Variants in KDM5C observed in about 807,000 individuals in gnomAD.
KDM5C encodes lysine demethylase 5C, also known as lysine-specific demethylase 5C.
Under a neutral mutation model 110.6 loss-of-function variants are expected in KDM5C, and 16 were observed. The observed-to-expected ratio is 0.14, with a 90% CI of 0.10 to 0.22. KDM5C has a LOEUF of 0.22. Among genes scored for constraint, KDM5C ranks in the 10% least tolerant of loss-of-function variants. The pLI is 1.00. For synonymous variants in KDM5C, 511 were observed against 520.4 expected, an observed-to-expected ratio of 0.98 and a Z score of 0.24; for missense variants, 681 against 1,300.9, an observed-to-expected ratio of 0.52 and a Z score of 7.33.
At chrX:53,201,825 C>G in intron 13 of KDM5C, 29 bp downstream of exon 13, 1 of 1,211,640 alleles carries the variant, frequency 8.3e-7, no homozygotes, top group Non-Finnish European at 1.1e-6. Context: ...CCTGCTTCTC[C>G]CCACCATCCC....
rs1556831154 is a variant in KDM5C at position 53,192,195 on chromosome X, A to C, written c.*772T>G. On this transcript the variant is annotated 3_prime_UTR_variant, in exon 26 of 26. Coordinates refer to ENST00000375401, the MANE Select transcript of KDM5C (RefSeq NM_004187.5). ...GTTTCTAAGGGTTTTATTTCTAACA[A>C]GAGGAAAATAATAAAATAAAATTAA... 1 of 174,479 alleles carries C rather than the reference A, an allele frequency of 5.7e-6. No homozygotes were observed. Among genetic ancestry groups the C allele is most frequent in the African/African-American group, 2.9e-5 (1 of 34,016 alleles). 14.4% of individuals were successfully genotyped at this position (174,479 alleles called of 1,213,427 possible). A position where few individuals can be genotyped will look rare whatever the true frequency, so the allele number is the denominator to read the frequency against.
Position 53,196,192 on chromosome X carries a change from T to TTCCAC in KDM5C, c.2982-143_2982-139dup, listed in dbSNP as rs1458183732. 4 of 709,826 alleles carry TTCCAC rather than the reference T, an allele frequency of 5.6e-6. 1 individual carries two copies. Among genetic ancestry groups the TTCCAC allele is most frequent in the Non-Finnish European group, 8.5e-6 (4 of 470,787 alleles). The allele number at this position is 709,826 out of a possible 1,213,427, so 58.5% of individuals were successfully genotyped here. A position where few individuals can be genotyped will look rare whatever the true frequency, so the allele number is the denominator to read the frequency against. ...TGTCACTTGGGCCTACTTGCTTGTA[T>TTCCAC]TCCACCTAAGGGTAGCTGCCAGTCC... On this transcript the variant is annotated intron_variant, in intron 19 of 25. Transcript: ENST00000375401.
chrX:53,221,569 C>T (rs1481623809), intron 1 of KDM5C: 9 of 351,679 alleles, frequency 2.6e-5, no homozygotes, highest in Non-Finnish European at 4.8e-5. Flanking sequence ...AGCTCAGGTC[C>T]GATTGTGGCA....
chrX:53,210,867 C>G lies in KDM5C; in HGVS notation c.1402-10G>C, dbSNP rs1556848460. 1.7e-6 allele frequency: 2 copies of G among 1,203,448 alleles called. No homozygotes were observed. The highest frequency in any genetic ancestry group is 2.3e-6 in the Non-Finnish European group (2 of 888,037). On this transcript the variant is annotated splice_polypyrimidine_tract_variant and intron_variant, in intron 10 of 25. Transcript: ENST00000375401. ...CACTGGTAGCATACTCCTGCCAGGT[C>G]AGGTATTTGTAAAAAGGGCATGAGG...
intron 1 of KDM5C, chrX:53,221,846 T>C (rs1443886909): frequency 1.5e-5 from 9 of 620,502 alleles, no homozygotes; most frequent in Admixed American, 6.5e-5. Context: ...GGAAAGATCA[T>C]GAAAGTGGGA....
rs1392496114 is a variant in KDM5C, at chrX:53,196,801, C to T, written c.2866G>A (p.Ala956Thr). Residue 956 changes from alanine (A) to threonine (T), a missense_variant, in exon 19 of 26, where the codon GCG (alanine) becomes ACG (threonine). Physicochemically the swap from Ala to Thr is moderately conservative, Grantham distance 58. Coordinates refer to ENST00000375401, the MANE Select transcript of KDM5C (RefSeq NM_004187.5). ...TLAVMRGLLV[A>T]GASVAPSPAV... ...GGGCTAGGGGCTACACTGGCACCCG[C>T]GACCAACAGTCCTCGCATGACAGCC... 6 of 1,212,032 alleles carry T rather than the reference C, an allele frequency of 5.0e-6. No individual in the cohort carries two copies. In the Admixed American group the frequency reaches 6.5e-5, roughly 13 times the overall value.
At position 53,224,918 on chromosome X, in the gene KDM5C, G is replaced by A. The variant is rs1556856243; in HGVS notation, c.-29C>T. On this transcript the variant is annotated 5_prime_UTR_variant, in exon 1 of 26. Transcript: ENST00000375401. The stretch of plus-strand genomic sequence containing the variant: ...GGGCCCGAGGTCTGGGCCAGGGATC[G>A]GGAGGCTTGGACCGCCCTTAAGGAC... The A allele has an allele frequency of 3.4e-6, 4 of 1,190,143 alleles. No individual in the cohort carries two copies. Among genetic ancestry groups the A allele is most frequent in the Non-Finnish European group, 4.5e-6 (4 of 882,966 alleles).
intron 19 of KDM5C, 41 bp downstream of exon 19, chrX:53,196,645 T>C: frequency 8.9e-7 from 1 of 1,128,652 alleles, no homozygotes; most frequent in Non-Finnish European, 1.2e-6. Flanking sequence ...AACTTTGATG[T>C]TTGGAATAGG....
intron 12 of KDM5C, among the ~76,000 whole-genome samples, chrX:53,208,805 CTTTTTTTTTTTTTT>C (rs782216325): frequency 2.7e-4 from 6 of 22,163 alleles, no homozygotes; most frequent in Admixed American, 9.4e-4. Flanking sequence ...ACACCCGGCT[CTTTTTTTTTTTTTT>C]TTTTTTTTTT....
At chrX:53,224,307 A>T (rs1359853408) in intron 1 of KDM5C, among the ~76,000 whole-genome samples, 1 of 112,161 alleles carries the variant, frequency 8.9e-6, no homozygotes, top group Non-Finnish European at 1.9e-5. Context: ...TTTTGAACTC[A>T]AGTCTGTCTC....
At chrX:53,204,000 C>G (rs1305477616) in intron 12 of KDM5C, among the ~76,000 whole-genome samples, 2 of 111,400 alleles carry the variant, frequency 1.8e-5, no homozygotes, top group Non-Finnish European at 3.8e-5. Flanking sequence ...GGTGATCCAC[C>G]CACCTTGGCT....
rs781950484 is a variant in KDM5C at position 53,192,256 on chromosome X, C to CT, written c.*710dup. On this transcript the variant is annotated 3_prime_UTR_variant, in exon 26 of 26. Transcript: ENST00000375401. ...AGTTGGAACCAAGTTTCTTGTTTTG[C>CT]TTTTTTTTTTCTTTTGAACAAATTA... The CT allele has an allele frequency of 0.051, 8,189 of 159,144 alleles. 175 individuals carry two copies. Among genetic ancestry groups the CT allele is most frequent in the African/African-American group, 0.084 (2,704 of 32,249 alleles). 13.1% of individuals were successfully genotyped at this position (159,144 alleles called of 1,213,427 possible).
chrX:53,222,998 A>G (rs1338170421), intron 1 of KDM5C, among the ~76,000 whole-genome samples: 1 of 111,828 alleles, frequency 8.9e-6, no homozygotes, highest in Non-Finnish European at 1.9e-5. Flanking sequence ...GAAGGAAAAA[A>G]CAAAACCAAA....
In KDM5C at chrX:53,210,864, G is replaced by A. The variant is rs1556848455; in HGVS notation, c.1402-7C>T. 1 of 1,205,901 alleles carries A rather than the reference G, an allele frequency of 8.3e-7. No homozygotes were observed. Among genetic ancestry groups the A allele is most frequent in the Non-Finnish European group, 1.1e-6 (1 of 890,187 alleles). The stretch of plus-strand genomic sequence containing the variant: ...AACCACTGGTAGCATACTCCTGCCA[G>A]GTCAGGTATTTGTAAAAAGGGCATG... On this transcript the variant is annotated splice_polypyrimidine_tract_variant and splice_region_variant and intron_variant, in intron 10 of 25. Transcript: ENST00000375401.
At chrX:53,189,767 G>A (rs781923266), downstream of KDM5C, among the ~76,000 whole-genome samples, 2 of 112,902 alleles carry the variant, frequency 1.8e-5, no homozygotes, top group African/African-American at 6.4e-5. Context: ...TGGAAGTGGA[G>A]ACAGACTGAG....
rs1338020708 is a variant in KDM5C, at chrX:53,218,463, G to A, written c.229-65C>T. On this transcript the variant is annotated intron_variant, in intron 2 of 25. Coordinates refer to ENST00000375401, the MANE Select transcript of KDM5C (RefSeq NM_004187.5). ...CCACTGACCACTATCTTTGGGTCCA[G>A]TCTTAGGGGAGAACAGAGGAATACA... The A allele has an allele frequency of 4.4e-6, 5 of 1,141,643 alleles. No individual in the cohort carries two copies. The African/African-American group carries it at 8.9e-5, about 20-fold the overall frequency. 94.1% of individuals were successfully genotyped at this position (1,141,643 alleles called of 1,213,427 possible).
intron 12 of KDM5C, among the ~76,000 whole-genome samples, chrX:53,208,583 G>A (rs1235337694): frequency 1.1e-5 from 1 of 89,114 alleles, no homozygotes; most frequent in Non-Finnish European, 2.1e-5. Context: ...TCGGCTCACT[G>A]CAACCTCCGC....
intron 25 of KDM5C, among the ~76,000 whole-genome samples, chrX:53,180,552 A>G (rs1388658764): frequency 6.4e-5 from 7 of 109,037 alleles, no homozygotes; most frequent in African/African-American, 1.3e-4. Flanking sequence ...TTTCCACTCA[A>G]TTTTGCTGTG....
chrX:53,181,109 C>T (rs1048822464), intron 25 of KDM5C, among the ~76,000 whole-genome samples: 9 of 109,654 alleles, frequency 8.2e-5, no homozygotes, highest in Non-Finnish European at 1.3e-4. Context: ...TGAGCCACCA[C>T]GCCTAGCCTA....
Sources: allele counts gnomAD v4.1 joint callset (sites outside exome capture counted in the v4.1 genomes callset), GRCh38; gene constraint gnomAD v4.1.1; transcripts MANE v1.5; gene names NCBI Gene and HGNC (gene_info 2026-07-23, HGNC 2026-07-21).